Variants in LINGO1 observed in about 807,000 individuals in gnomAD.
LINGO1 encodes leucine rich repeat and Ig domain containing 1, also known as leucine-rich repeat and immunoglobulin-like domain-containing nogo receptor-interacting protein 1.
A neutral mutation model predicts 37.3 loss-of-function variants in LINGO1; 11 were observed. The observed-to-expected ratio is 0.29, with a 90% confidence interval of 0.19 to 0.49. The LOEUF is 0.49. Among genes scored for constraint, LINGO1 ranks in the 20% least tolerant of loss-of-function variants. The pLI, the probability that LINGO1 is intolerant of heterozygous loss-of-function variation, is 0.99. For synonymous variants in LINGO1, 387 were observed against 403.0 expected, an observed-to-expected ratio of 0.96 and a Z score of 0.48; for missense variants, 585 against 878.2, an observed-to-expected ratio of 0.67 and a Z score of 4.22.
At position 77,632,462 on chromosome 15, in the gene LINGO1, G is replaced by A; in HGVS notation, c.-147C>T. ...CCCGGCAGTCCGCGCGCCCTCGCGG[G>A]GCTGGCTGTCCGTCTGTCCGCCCCG... On this transcript the variant is annotated 5_prime_UTR_variant, in exon 1 of 2. Coordinates refer to ENST00000355300, the MANE Select transcript of LINGO1 (RefSeq NM_032808.7). This position sits in a 1 kb window ranked among gnomAD's most constrained non-coding sequence, Gnocchi z 6.0. 1 of 859,280 alleles carries A rather than the reference G, an allele frequency of 1.2e-6. No individual in the cohort carries two copies. Among genetic ancestry groups the A allele is most frequent in the Non-Finnish European group, 1.5e-6 (1 of 651,386 alleles). 53.2% of individuals were successfully genotyped at this position (859,280 alleles called of 1,614,324 possible). A position where few individuals can be genotyped will look rare whatever the true frequency, so the allele number is the denominator to read the frequency against.
chr15:77,750,125 A>T (rs1220378859), intron 1 of LINGO1, among the ~76,000 whole-genome samples: 1 of 151,792 alleles, frequency 6.6e-6, no homozygotes, highest in Admixed American at 6.6e-5. Flanking sequence ...AGCAGGGGCC[A>T]CGTCCCCGAT....
intron 1 of LINGO1, among the ~76,000 whole-genome samples, chr15:77,776,470 A>T (rs1280285331): frequency 1.5e-5 from 2 of 135,114 alleles, no homozygotes; most frequent in South Asian, 2.9e-4. Context: ...GGAAGGCAGG[A>T]AGGCAGGAAG....
intron 2 of LINGO1, among the ~76,000 whole-genome samples, chr15:77,719,831 T>C (rs1249074068): frequency 6.7e-6 from 1 of 148,818 alleles, no homozygotes; most frequent in East Asian, 2.2e-4. Context: ...TACACACATA[T>C]GTACTCACAC....
upstream of LINGO1, among the ~76,000 whole-genome samples, chr15:77,633,021 G>A (rs567292794): frequency 3.3e-3 from 496 of 151,726 alleles, 4 homozygotes; most frequent in African/African-American, 0.011. Context: ...TGATGGTGGT[G>A]GTGGGGTGGG....
chr15:77,763,961 A>G (rs1163212009), intron 1 of LINGO1, among the ~76,000 whole-genome samples: 1 of 152,168 alleles, frequency 6.6e-6, no homozygotes, highest in Admixed American at 6.5e-5. Context: ...CAGCCCAGAC[A>G]CCTCGGCTGG....
At chr15:77,634,207 T>C, upstream of LINGO1, 1 of 450,738 alleles carries the variant, frequency 2.2e-6, no homozygotes, top group East Asian at 7.0e-5. Flanking sequence ...GAGGGACCTC[T>C]CCCCACCCCC....
rs182782632 is a variant in LINGO1, at chr15:77,647,686, G to A, written c.-13+29403C>T. ...TGCTGAGTGCTGTTCCAGGCAGCCC[G>A]GGAAAGGCCCTGGCAAAACGTTGCA... On this transcript the variant is annotated intron_variant, in intron 3 of 3. Transcript: ENST00000559893. Among the ~76,000 whole-genome samples, 8 of 152,288 alleles carry A rather than the reference G, an allele frequency of 5.3e-5. No individual in the cohort carries two copies. In the East Asian group the frequency reaches 9.6e-4, roughly 18 times the overall value.
intron 3 of LINGO1, among the ~76,000 whole-genome samples, chr15:77,639,727 C>A (rs1228425025): frequency 6.6e-6 from 1 of 152,090 alleles, no homozygotes; most frequent in Non-Finnish European, 1.5e-5. Context: ...ACAAGGTATA[C>A]CATTTATCTC....
intron 1 of LINGO1, among the ~76,000 whole-genome samples, chr15:77,779,147 G>A (rs896714328): frequency 4.6e-5 from 7 of 151,990 alleles, no homozygotes; most frequent in African/African-American, 1.7e-4. Flanking sequence ...TTCTCAGAGA[G>A]GCACCCCCAC....
At chr15:77,670,922 T>C (rs951837203) in intron 3 of LINGO1, among the ~76,000 whole-genome samples, 8 of 152,186 alleles carry the variant, frequency 5.3e-5, no homozygotes, top group African/African-American at 1.2e-4. Flanking sequence ...GCACCACCCC[T>C]AGCTCCTCCA....
intron 3 of LINGO1, among the ~76,000 whole-genome samples, chr15:77,646,952 C>A (rs544935949): frequency 6.6e-6 from 1 of 152,180 alleles, no homozygotes; most frequent in African/African-American, 2.4e-5. Context: ...TGAGTATCCC[C>A]ACTTTACAGG....
chr15:77,785,661 C>T (rs924415729), intron 1 of LINGO1, among the ~76,000 whole-genome samples: 3 of 152,122 alleles, frequency 2.0e-5, no homozygotes, highest in Non-Finnish European at 4.4e-5. Context: ...CTGTCCTGGG[C>T]TTGCTCCTCC....
intron 2 of LINGO1, among the ~76,000 whole-genome samples, chr15:77,686,008 G>A (rs2075503897): frequency 6.6e-6 from 1 of 152,160 alleles, no homozygotes; most frequent in South Asian, 2.1e-4. Flanking sequence ...CTGTCTAGGT[G>A]GCTTCTCCAG....
chr15:77,691,488 AG>A (rs2075602241), intron 1 of LINGO1, among the ~76,000 whole-genome samples: 1 of 112,492 alleles, frequency 8.9e-6, no homozygotes, highest in South Asian at 2.8e-4. Context: ...TCCCTAGGGA[AG>A]GGATGTCCCT....
chr15:77,675,564 TTGA>T (rs1472971318), intron 3 of LINGO1, among the ~76,000 whole-genome samples: 21 of 152,250 alleles, frequency 1.4e-4, no homozygotes, highest in African/African-American at 4.6e-4. Context: ...TTAAAATACG[TTGA>T]TAAGTACATA....
intron 1 of LINGO1, among the ~76,000 whole-genome samples, chr15:77,801,425 A>G (rs924790758): frequency 2.0e-5 from 3 of 152,228 alleles, no homozygotes; most frequent in Non-Finnish European, 4.4e-5. Flanking sequence ...TTCTGTAATT[A>G]ACGATTTGTT....
intron 1 of LINGO1, among the ~76,000 whole-genome samples, chr15:77,694,938 C>G (rs2075664732): frequency 6.6e-6 from 1 of 152,072 alleles, no homozygotes; most frequent in Admixed American, 6.5e-5. Flanking sequence ...CCTGGGATTG[C>G]CAGGTGGGGA....
chr15:77,780,188 G>A (rs1036849545), intron 1 of LINGO1, among the ~76,000 whole-genome samples: 1 of 152,204 alleles, frequency 6.6e-6, no homozygotes, highest in Non-Finnish European at 1.5e-5. Flanking sequence ...ACAGGGGAGG[G>A]TATAAGAAGT....
At chr15:77,637,264 C>T (rs2074414620), upstream of LINGO1, among the ~76,000 whole-genome samples, 1 of 152,226 alleles carries the variant, frequency 6.6e-6, no homozygotes, top group African/African-American at 2.4e-5. The surrounding 1 kb of genome is among the most constrained non-coding windows in gnomAD (Gnocchi z 4.6). Flanking sequence ...AGGGAACATC[C>T]ATGGTGGGTG....
Sources: gnomAD v4.1 joint callset for allele counts (sites outside exome capture counted in the v4.1 genomes callset) on GRCh38, gnomAD v4.1.1 for gene constraint, Gnocchi (gnomAD v3.1) non-coding constraint, MANE v1.5 for transcripts, NCBI Gene and HGNC (gene_info 2026-07-23, HGNC 2026-07-21) for gene names.